Variants in DOCK7 observed in about 807,000 individuals in gnomAD.
The protein encoded by DOCK7 is dedicator of cytokinesis 7.
Under a neutral mutation model 271.0 loss-of-function variants are expected in DOCK7, and 138 were observed. That is an observed-to-expected ratio of 0.51 (90% confidence interval 0.44 to 0.59). The LOEUF (loss-of-function observed/expected upper bound fraction) is 0.59. Ranked by LOEUF, DOCK7 falls within the 20% of genes least tolerant of loss-of-function variation. The pLI is 0.00. For synonymous variants in DOCK7, 823 were observed against 876.1 expected, an observed-to-expected ratio of 0.94 and a Z score of 1.07; for missense variants, 2,066 against 2,592.4, an observed-to-expected ratio of 0.80 and a Z score of 4.41.
At chr1:62,595,464 G>A (rs1041360852) in intron 14 of DOCK7, among the ~76,000 whole-genome samples, 1 of 152,172 alleles carries the variant, frequency 6.6e-6, no homozygotes, top group Non-Finnish European at 1.5e-5. Flanking sequence ...AGGTCACAAA[G>A]CTGAAGAATA....
intron 28 of DOCK7, 124 bp downstream of exon 28, chr1:62,537,767 C>T (rs1645393916): frequency 1.2e-6 from 1 of 846,016 alleles, no homozygotes. Flanking sequence ...TTAATACTTA[C>T]AAAGCACTAA....
chr1:62,492,036 C>T (rs951507534), intron 41 of DOCK7, among the ~76,000 whole-genome samples: 1 of 151,944 alleles, frequency 6.6e-6, no homozygotes, highest in Non-Finnish European at 1.5e-5. Flanking sequence ...CAAAGTGAAA[C>T]CCCATCCCTA....
intron 7 of DOCK7, among the ~76,000 whole-genome samples, chr1:62,643,845 TTCAG>T (rs1447890926): frequency 6.6e-6 from 1 of 152,110 alleles, no homozygotes; most frequent in African/African-American, 2.4e-5. Context: ...AGTTCACTTA[TTCAG>T]TCTTCAGTTT....
intron 22 of DOCK7, 116 bp from the exon 23 acceptor site, chr1:62,545,155 G>C (rs1349615927): frequency 1.0e-6 from 1 of 982,160 alleles, no homozygotes; most frequent in African/African-American, 1.7e-5. Context: ...AATTAGTACT[G>C]TTAAAGCAAC....
At chr1:62,459,914 A>ACG (rs1318066903) in intron 48 of DOCK7, among the ~76,000 whole-genome samples, 4 of 152,150 alleles carry the variant, frequency 2.6e-5, no homozygotes, top group East Asian at 3.9e-4. Flanking sequence ...TCTGGCTAAC[A>ACG]GTGAAACCCC....
chr1:62,615,399 A>T (rs1652317148), intron 14 of DOCK7, among the ~76,000 whole-genome samples: 1 of 151,848 alleles, frequency 6.6e-6, no homozygotes, highest in Non-Finnish European at 1.5e-5. Context: ...CTAACAGAGC[A>T]CTAGGATCAT....
At position 62,578,735 on chromosome 1, in the gene DOCK7, A is replaced by C. The variant is rs1647017006; in HGVS notation, c.2010+93T>G. ...TCTGTCTCAAAAAAAAAAAAAAAAA[A>C]AAAACCCACAAATGACCAGAAATAT... is the stretch of plus-strand genomic sequence containing the variant. On this transcript the variant is annotated intron_variant, in intron 17 of 49. Transcript: ENST00000635253. The C allele has an allele frequency of 1.3e-5, 13 of 1,022,080 alleles. No homozygotes were observed. The South Asian group carries it at 1.7e-4, about 13-fold the overall frequency. The allele number at this position is 1,022,080 out of a possible 1,614,324, so 63.3% of individuals were successfully genotyped here.
At chr1:62,507,096 A>AC (rs1233219795) in intron 35 of DOCK7, among the ~76,000 whole-genome samples, 2 of 151,984 alleles carry the variant, frequency 1.3e-5, no homozygotes, top group East Asian at 3.9e-4. Context: ...GGCATGAGCC[A>AC]CCGTGCCCAG....
At chr1:62,661,309 G>T (rs951938075) in intron 2 of DOCK7, among the ~76,000 whole-genome samples, 5 of 152,014 alleles carry the variant, frequency 3.3e-5, no homozygotes, top group Non-Finnish European at 7.4e-5. Context: ...ATGGGTACAG[G>T]GTTTCAGTAT....
chr1:62,559,156 C>T lies in DOCK7; in HGVS notation c.2264G>A (p.Arg755Gln). Residue 755 changes from arginine (R) to glutamine (Q), a missense_variant, in exon 20 of 50, where the codon CGA becomes CAA. Coordinates refer to ENST00000635253, the MANE Select transcript of DOCK7 (RefSeq NM_001367561.1). ...TTCCATGATTCGCATGTCCCCAATT[C>T]GGACTGGGAACAGGTGTTCATCCAG... ...NALDEHLFPVRIGDMRIMENN... is the reference protein window; with the variant it reads ...NALDEHLFPVQIGDMRIMENN... The T allele has an allele frequency of 4.3e-6, 7 of 1,613,704 alleles. No individual in the cohort carries two copies. The highest frequency in any genetic ancestry group is 4.2e-6 in the Non-Finnish European group (5 of 1,179,882).
chr1:62,555,112 C>T (rs1211679237), intron 21 of DOCK7, among the ~76,000 whole-genome samples: 1 of 152,096 alleles, frequency 6.6e-6, no homozygotes, highest in Non-Finnish European at 1.5e-5. Flanking sequence ...ATTATTCACA[C>T]TAAGACATCT....
chr1:62,597,774 G>A (rs745714568), intron 14 of DOCK7: 100 of 1,613,392 alleles, frequency 6.2e-5, no homozygotes, highest in Non-Finnish European at 8.4e-5. Flanking sequence ...CCAAATTAAT[G>A]ACATATTTCA....
At chr1:62,687,941 G>A (rs1190028900) in intron 1 of DOCK7, among the ~76,000 whole-genome samples, 1 of 152,206 alleles carries the variant, frequency 6.6e-6, no homozygotes, top group South Asian at 2.1e-4. Context: ...TCCAGGCCCG[G>A]GCCGCCGAGG....
intron 15 of DOCK7, chr1:62,584,043 C>T: frequency 1.6e-6 from 1 of 634,078 alleles, no homozygotes; most frequent in African/African-American, 2.0e-5. Context: ...TCTGTATAGC[C>T]ATCTTTACAT....
intron 11 of DOCK7, chr1:62,628,549 A>C (rs536261315): frequency 6.6e-6 from 1 of 152,224 alleles, no homozygotes; most frequent in Non-Finnish European, 1.5e-5. Context: ...TTAACTCAAA[A>C]TGGATTATTA....
chr1:62,527,718 G>A (rs1183686677), intron 31 of DOCK7, among the ~76,000 whole-genome samples: 1 of 144,536 alleles, frequency 6.9e-6, no homozygotes, highest in Non-Finnish European at 1.5e-5. Context: ...TCACATACCG[G>A]GGCCTGTTGT....
chr1:62,532,286 C>T lies in DOCK7; in HGVS notation c.3612-2840G>A, dbSNP rs138360405. Among the ~76,000 whole-genome samples, 413 of 152,258 alleles carry T rather than the reference C, an allele frequency of 2.7e-3. 2 individuals carry two copies. The highest frequency in any genetic ancestry group is 6.8e-3 in the Middle Eastern group (2 of 294). On this transcript the variant is annotated intron_variant, in intron 29 of 49. Coordinates refer to ENST00000635253, the MANE Select transcript of DOCK7 (RefSeq NM_001367561.1). Reference sequence around the variant, plus strand: ...CTGACCTCAAGTGATCCACCCATCTCAGCCTCCCAAAGTGCTGAGATTGTA... The same window carrying T: ...CTGACCTCAAGTGATCCACCCATCTTAGCCTCCCAAAGTGCTGAGATTGTA...
intron 2 of DOCK7, among the ~76,000 whole-genome samples, chr1:62,661,910 C>T (rs912803663): frequency 6.6e-5 from 10 of 152,108 alleles, no homozygotes; most frequent in Non-Finnish European, 1.2e-4. Context: ...ACACCAAGAG[C>T]ATTTTGGAAG....
chr1:62,528,357 T>C, intron 30 of DOCK7, 52 bp from the exon 31 acceptor site: 2 of 1,505,354 alleles, frequency 1.3e-6, no homozygotes, highest in South Asian at 2.5e-5. Flanking sequence ...CTGAACTAAT[T>C]CCCTTTCCTA....
Sources: allele counts gnomAD v4.1 joint callset (sites outside exome capture counted in the v4.1 genomes callset), GRCh38; gene constraint gnomAD v4.1.1; transcripts MANE v1.5; gene names NCBI Gene and HGNC (gene_info 2026-07-23, HGNC 2026-07-21).